KLF10: variants seen among roughly 807,000 people sequenced by gnomAD.
KLF10 encodes KLF transcription factor 10.
KLF10 carries 17 observed loss-of-function variants against 31.6 expected under a neutral mutation model. That is an observed-to-expected ratio of 0.54 (90% CI 0.37 to 0.81). KLF10 has a LOEUF of 0.81. Ranked by LOEUF, KLF10 falls within the 30% of genes least tolerant of loss-of-function variation. The probability of loss-of-function intolerance (pLI) is 0.00; values close to 1 mark genes in which losing one functional copy is unlikely to be tolerated. For synonymous variants in KLF10, 239 were observed against 215.1 expected (o/e 1.11, Z -0.97); for missense variants, 525 against 598.1 (o/e 0.88, Z 1.27).
chr8:102,652,156 A>G lies in KLF10; in HGVS notation c.270+8T>C. The G allele has an allele frequency of 6.4e-7, 1 of 1,558,316 alleles. No individual in the cohort carries two copies. The highest frequency in any genetic ancestry group is 1.2e-5 in the South Asian group (1 of 82,448). On this transcript the variant is annotated splice_region_variant and intron_variant, in intron 2 of 3. Coordinates refer to ENST00000285407, the MANE Select transcript of KLF10 (RefSeq NM_005655.4). Reference sequence around the variant, plus strand: ...ATTTACGTCTATCTTAAAAACAATAATACTTACAAATGCTGGGATTGTATG... The same window carrying G: ...ATTTACGTCTATCTTAAAAACAATAGTACTTACAAATGCTGGGATTGTATG...
rs1044985458 is a variant in KLF10 at position 102,648,849 on chromosome 8, G to C, written c.*1283C>G. 6.6e-6 allele frequency: 1 copy of C among 152,584 alleles called. No individual in the cohort carries two copies. The highest frequency in any genetic ancestry group is 2.4e-5 in the African/African-American group (1 of 41,430). 9.5% of individuals were successfully genotyped at this position (152,584 alleles called of 1,614,324 possible). ...CAACAAAAGAAATATTGTGCAAATTGTAAGTCACAAGGATTTTTTTTAATT... is the reference window on the plus strand; with the variant it reads ...CAACAAAAGAAATATTGTGCAAATTCTAAGTCACAAGGATTTTTTTTAATT... On this transcript the variant is annotated 3_prime_UTR_variant, in exon 4 of 4. Transcript: ENST00000285407.
intron 1 of KLF10, chr8:102,654,078 C>G (rs1205023226): frequency 3.1e-6 from 2 of 642,792 alleles, no homozygotes; most frequent in African/African-American, 4.0e-5. Flanking sequence ...GGCTGTGCGG[C>G]CCGGGGCGGG....
intron 1 of KLF10, chr8:102,653,550 C>T (rs1307709867): frequency 1.3e-6 from 2 of 1,484,464 alleles, no homozygotes; most frequent in African/African-American, 1.4e-5. Context: ...TACCAAAAAA[C>T]ATTCTTTACG....
chr8:102,651,288 A>G lies in KLF10; in HGVS notation c.1044T>C (p.Pro348=), dbSNP rs766981836. 1.2e-6 allele frequency: 2 copies of G among 1,607,710 alleles called. No individual in the cohort carries two copies. The highest frequency in any genetic ancestry group is 1.7e-6 in the Non-Finnish European group (2 of 1,176,966). ...CTTTTGCTGCTGAAGGGGAAAACCC[A>G]GGAGCAGGGGCAATGGGAGAGAGTC... The part of the protein sequence containing the change: ...GTRLSPIAPA[P]GFSPSAAKVT... The change falls in exon 3 of 4, where the codon CCT becomes CCC. Residue 348 remains proline, a synonymous_variant. Transcript: ENST00000285407.
At chr8:102,654,533 G>A (rs1296452057) in intron 1 of KLF10, among the ~76,000 whole-genome samples, 2 of 150,876 alleles carry the variant, frequency 1.3e-5, no homozygotes, top group Admixed American at 1.3e-4. Flanking sequence ...CCCGGCCGCC[G>A]CCCTCCTCCC....
At position 102,651,609 on chromosome 8, in the gene KLF10, G is replaced by A. The variant is rs773212221; in HGVS notation, c.723C>T (p.Cys241=). 1 of 1,614,238 alleles carries A rather than the reference G, an allele frequency of 6.2e-7. No homozygotes were observed. Among genetic ancestry groups the A allele is most frequent in the Non-Finnish European group, 8.5e-7 (1 of 1,180,050 alleles). ...FSVPSSETVI[C]RSQPAPVSPQ... ...GGGACACAGGGGCTGGCTGAGACCT[G>A]CAGATGACCGTCTCTGAGGAAGGCA... Residue 241 remains cysteine, a synonymous_variant, in exon 3 of 4, where the codon TGC becomes TGT. Coordinates refer to ENST00000285407, the MANE Select transcript of KLF10 (RefSeq NM_005655.4).
At chr8:102,654,736 A>ACGCGCGGCCCCCGCGT (rs1827318468) in intron 1 of KLF10, among the ~76,000 whole-genome samples, 5 of 149,764 alleles carry the variant, frequency 3.3e-5, no homozygotes, top group Admixed American at 2.0e-4. Flanking sequence ...CCGGCTCCAG[A>ACGCGCGGCCCCCGCGT]CGCGCGGCCC....
At position 102,652,298 on chromosome 8, in the gene KLF10, T is replaced by A; in HGVS notation, c.136A>T (p.Met46Leu). ...KSDFEAVEAL[M>L]SMSCSWKSDF... The stretch of plus-strand genomic sequence containing the variant: ...GACTTCCAACTGCAGCTCATTGACA[T>A]AAGTGCTTCTACAGCTTCAAAATCA... Residue 46 changes from methionine to leucine, a missense_variant, in exon 2 of 4, where the codon ATG becomes TTG. This residue lies in a region of KLF10 where 434 missense variants were observed against 450.7 expected (regional missense o/e 0.96). Transcript: ENST00000285407. 6.2e-7 allele frequency: 1 copy of A among 1,613,424 alleles called. No individual in the cohort carries two copies. Among genetic ancestry groups the A allele is most frequent in the Non-Finnish European group, 8.5e-7 (1 of 1,179,474 alleles).
rs148776103 is a variant in KLF10, at chr8:102,651,798, G to A, written c.534C>T (p.Leu178=). The change falls in exon 3 of 4, where the codon CTC becomes CTT. Residue 178 remains leucine, a synonymous_variant. Transcript: ENST00000285407. ...TTCTAAAAGAATTGTTCTGATAGTT[G>A]AGGATGCTGGCTGCTTTCATTGGGC... is the stretch of plus-strand genomic sequence containing the variant. ...QTCPMKAASI[L]NYQNNSFRRR... The A allele has an allele frequency of 1.1e-4, 173 of 1,614,236 alleles. No homozygotes were observed. The highest frequency in any genetic ancestry group is 1.6e-4 in the Middle Eastern group (1 of 6,062).
chr8:102,650,429 A>G (rs1827178265), intron 3 of KLF10, 38 bp from the exon 4 acceptor site: 1 of 1,581,710 alleles, frequency 6.3e-7, no homozygotes, highest in South Asian at 1.1e-5. Context: ...TATGCATAAG[A>G]TTGCCGTAAA....
At position 102,650,319 on chromosome 8, in the gene KLF10, T is replaced by TAG. The variant is rs1400108921; in HGVS notation, c.1255_1256insCT (p.His419ProfsTer22). 1 of 1,614,236 alleles carries TAG rather than the reference T, an allele frequency of 6.2e-7. No homozygotes were observed. Among genetic ancestry groups the TAG allele is most frequent in the Non-Finnish European group, 8.5e-7 (1 of 1,180,042 alleles). On this transcript the variant is annotated frameshift_variant, in exon 4 of 4. Coordinates refer to ENST00000285407, the MANE Select transcript of KLF10 (RefSeq NM_005655.4). LOFTEE classifies it high-confidence loss of function. ...CTTCTCACCCGTGTGGGTTCGCCTG[T>TAG]GTCTGGACAGTTCATCAGAACGGGC...
Position 102,652,328 on chromosome 8 carries a change from T to C in KLF10, c.106A>G (p.Lys36Glu). 2 of 1,612,672 alleles carry C rather than the reference T, an allele frequency of 1.2e-6. No homozygotes were observed. The highest frequency in any genetic ancestry group is 1.7e-6 in the Non-Finnish European group (2 of 1,179,042). ...GCTTCTACAGCTTCAAAATCACTTTTCTCTGCAGTTTTGTTCCAGGAATAC... is the reference window on the plus strand; with the variant it reads ...GCTTCTACAGCTTCAAAATCACTTTCCTCTGCAGTTTTGTTCCAGGAATAC... ...SMYSWNKTAE[K>E]SDFEAVEALM... Residue 36 changes from lysine (K) to glutamate (E), a missense_variant, in exon 2 of 4, where the codon AAA becomes GAA. Lys to Glu is a moderately conservative substitution (Grantham distance 56). This residue lies in a region of KLF10 where 434 missense variants were observed against 450.7 expected (regional missense o/e 0.96). Transcript: ENST00000285407.
In KLF10 at chr8:102,655,643, A is replaced by AGGCTGCT. The variant is rs1448309851; in HGVS notation, c.-49_-43dup. On this transcript the variant is annotated 5_prime_UTR_variant, in exon 1 of 4. Transcript: ENST00000285407. ...GCCGGCGGCAAGCTGACTGGCTGCTAGGCTGCTGGCTGCTTGGCCACAGAC... is the reference window on the plus strand; with the variant it reads ...GCCGGCGGCAAGCTGACTGGCTGCTAGGCTGCTGGCTGCTGGCTGCTTGGCCACAGAC... 2 of 1,611,318 alleles carry AGGCTGCT rather than the reference A, an allele frequency of 1.2e-6. No homozygotes were observed. The highest frequency in any genetic ancestry group is 1.7e-4 in the Middle Eastern group (1 of 6,056).
chr8:102,654,904 C>A (rs551652709), intron 1 of KLF10, among the ~76,000 whole-genome samples: 1 of 152,124 alleles, frequency 6.6e-6, no homozygotes, highest in African/African-American at 2.4e-5. Context: ...CTCCAGACGT[C>A]TGGGGGAGCA....
Position 102,655,557 on chromosome 8 carries a change from A to C in KLF10, c.36+9T>G, listed in dbSNP as rs755675296. The C allele has an allele frequency of 4.3e-6, 7 of 1,613,818 alleles. No individual in the cohort carries two copies. Among genetic ancestry groups the C allele is most frequent in the Middle Eastern group, 3.3e-4 (2 of 6,062 alleles). ...CGAGGAAGCACAGGGGCATCCCCAA[A>C]TGACTTACCGCAGTCTGCTGGAGAG... On this transcript the variant is annotated intron_variant, in intron 1 of 3. Coordinates refer to ENST00000285407, the MANE Select transcript of KLF10 (RefSeq NM_005655.4).
rs142907088 is a variant in KLF10, at chr8:102,650,408, C to A, written c.1184-17G>T. On this transcript the variant is annotated splice_polypyrimidine_tract_variant and intron_variant, in intron 3 of 3. Transcript: ENST00000285407. ...GCTTTTCTCCTAAAACAAAGACATA[C>A]AAATCATTATTATGCATAAGATTGC... 5.7e-4 allele frequency: 916 copies of A among 1,607,448 alleles called. 7 individuals are homozygous for A. The African/African-American group carries it at 9.7e-3, about 17-fold the overall frequency.
At chr8:102,652,453 C>A in intron 1 of KLF10, 56 bp from the exon 2 acceptor site, 24 of 898,814 alleles carry the variant, frequency 2.7e-5, no homozygotes, top group Non-Finnish European at 3.4e-5. Context: ...CCAAATGACA[C>A]ACAGAAAAAT....
At chr8:102,652,628 T>C (rs1344674748) in intron 1 of KLF10, among the ~76,000 whole-genome samples, 1 of 152,166 alleles carries the variant, frequency 6.6e-6, no homozygotes, top group Non-Finnish European at 1.5e-5. Flanking sequence ...CTTCCTCATT[T>C]TTTCTGTTAA....
At chr8:102,653,805 G>T (rs1245065848) in intron 1 of KLF10, 14 of 1,039,158 alleles carry the variant, frequency 1.3e-5, no homozygotes, top group Non-Finnish European at 1.6e-5. Context: ...GGAAGGACAG[G>T]AAGGGAAACA....
Sources: gnomAD v4.1 joint callset for allele counts (sites outside exome capture counted in the v4.1 genomes callset) on GRCh38, gnomAD v4.1.1 for gene constraint, gnomAD v4.1.1 regional missense constraint, MANE v1.5 for transcripts, NCBI Gene and HGNC (gene_info 2026-07-23, HGNC 2026-07-21) for gene names.